NFATC2IP: variants seen among roughly 807,000 people sequenced by gnomAD.
NFATC2IP encodes the protein NFATC2-interacting protein.
NFATC2IP carries 25 observed loss-of-function variants against 40.2 expected under a neutral mutation model. The ratio of observed to expected loss-of-function variants is 0.62; its 90% confidence interval spans 0.45 to 0.87. The LOEUF (loss-of-function observed/expected upper bound fraction) is 0.87. Among genes scored for constraint, NFATC2IP ranks in the 40% least tolerant of loss-of-function variants. NFATC2IP has a pLI of 0.00. For synonymous variants in NFATC2IP, 241 were observed against 236.3 expected, an observed-to-expected ratio of 1.02 and a Z score of -0.18; for missense variants, 553 against 555.6, an observed-to-expected ratio of 1.00 and a Z score of 0.05.
chr16:28,953,065 C>A (rs1475949439), intron 2 of NFATC2IP, among the ~76,000 whole-genome samples: 1 of 151,388 alleles, frequency 6.6e-6, no homozygotes, highest in African/African-American at 2.4e-5. Flanking sequence ...GCTGTGTGAT[C>A]TTAGGCGAGT....
intron 2 of NFATC2IP, chr16:28,952,597 G>T: frequency 4.5e-6 from 1 of 222,666 alleles, no homozygotes; most frequent in Non-Finnish European, 9.0e-6. Flanking sequence ...CTCAAGGGCG[G>T]GGAATAGGAA....
chr16:28,962,057 C>T (rs933374327), intron 7 of NFATC2IP, among the ~76,000 whole-genome samples: 1 of 152,092 alleles, frequency 6.6e-6, no homozygotes, highest in African/African-American at 2.4e-5. Context: ...GTGTGTGCCA[C>T]TACCCTTGGC....
In NFATC2IP at chr16:28,964,593, ATGGCTTTTT is replaced by A. The variant is rs1965123209; in HGVS notation, c.*732_*740del. 1.3e-5 allele frequency: 2 copies of A among 152,398 alleles called. No homozygotes were observed. The highest frequency in any genetic ancestry group is 4.1e-4 in the South Asian group (2 of 4,822). The allele number at this position is 152,398 out of a possible 1,614,324, so 9.4% of individuals were successfully genotyped here. On this transcript the variant is annotated 3_prime_UTR_variant, in exon 8 of 8. Transcript: ENST00000320805. ...TCCCATGCAAAGATTCTCTGGTTTTATGGCTTTTTTCCCTTTCTTTACACCATCCTCTCC... is the reference window on the plus strand; with the variant it reads ...TCCCATGCAAAGATTCTCTGGTTTTATCCCTTTCTTTACACCATCCTCTCC...
At position 28,956,134 on chromosome 16, in the gene NFATC2IP, T is replaced by C; in HGVS notation, c.660-17T>C. 1 of 1,613,780 alleles carries C rather than the reference T, an allele frequency of 6.2e-7. No individual in the cohort carries two copies. The highest frequency in any genetic ancestry group is 8.5e-7 in the Non-Finnish European group (1 of 1,179,874). The stretch of plus-strand genomic sequence containing the variant: ...GTGGCTGACTCCAGTTGACCCAGAG[T>C]CCTGTCTGCACTGCAGTGAGGTGAA... On this transcript the variant is annotated splice_polypyrimidine_tract_variant and intron_variant, in intron 4 of 7. Coordinates refer to ENST00000320805, the MANE Select transcript of NFATC2IP (RefSeq NM_032815.4).
chr16:28,965,425 T>G lies in NFATC2IP; in HGVS notation c.*1562T>G, dbSNP rs968804825. ...GGGCAACATAGCGAGACCTCGTCTCTACAAAAAAAAATTAAAAAGGGGGCT... is the reference window on the plus strand; with the variant it reads ...GGGCAACATAGCGAGACCTCGTCTCGACAAAAAAAAATTAAAAAGGGGGCT... On this transcript the variant is annotated 3_prime_UTR_variant, in exon 8 of 8. Transcript: ENST00000320805. The G allele has an allele frequency of 6.6e-6, 1 of 151,760 alleles. No individual in the cohort carries two copies. Among genetic ancestry groups the G allele is most frequent in the Admixed American group, 6.6e-5 (1 of 15,220 alleles). 9.4% of individuals were successfully genotyped at this position (151,760 alleles called of 1,614,324 possible). A position where few individuals can be genotyped will look rare whatever the true frequency, so the allele number is the denominator to read the frequency against.
In NFATC2IP at chr16:28,963,926, C is replaced by T; in HGVS notation, c.*63C>T. Reference sequence around the variant, plus strand: ...GGGAGAATGACTTTCCCTTTTTTGCCCCATAAGGGCTAGCATAAGCTGAGG... The same window carrying T: ...GGGAGAATGACTTTCCCTTTTTTGCTCCATAAGGGCTAGCATAAGCTGAGG... On this transcript the variant is annotated 3_prime_UTR_variant, in exon 8 of 8. Coordinates refer to ENST00000320805, the MANE Select transcript of NFATC2IP (RefSeq NM_032815.4). The T allele has an allele frequency of 6.7e-7, 1 of 1,498,958 alleles. No homozygotes were observed. Among genetic ancestry groups the T allele is most frequent in the Non-Finnish European group, 9.2e-7 (1 of 1,083,072 alleles). The allele number at this position is 1,498,958 out of a possible 1,614,324, so 92.9% of individuals were successfully genotyped here.
In NFATC2IP at chr16:28,964,526, A is replaced by G; in HGVS notation, c.*663A>G. On this transcript the variant is annotated 3_prime_UTR_variant, in exon 8 of 8. Coordinates refer to ENST00000320805, the MANE Select transcript of NFATC2IP (RefSeq NM_032815.4). ...TCCTGGTGCACACATTTAAGGCATAACAGCACATTCATCCCTTTGGTTTGG... is the reference window on the plus strand; with the variant it reads ...TCCTGGTGCACACATTTAAGGCATAGCAGCACATTCATCCCTTTGGTTTGG... The G allele has an allele frequency of 6.6e-6, 1 of 152,354 alleles. No homozygotes were observed. The allele number at this position is 152,354 out of a possible 1,614,324, so 9.4% of individuals were successfully genotyped here.
chr16:28,951,511 G>A, intron 1 of NFATC2IP, 113 bp downstream of exon 1: 1 of 1,094,266 alleles, frequency 9.1e-7, no homozygotes, highest in Middle Eastern at 3.3e-4. Context: ...TGGCGTTCTG[G>A]GGCTGGTCCT....
intron 6 of NFATC2IP, 52 bp from the exon 7 acceptor site, chr16:28,958,939 C>G: frequency 1.2e-6 from 2 of 1,604,424 alleles, no homozygotes; most frequent in Non-Finnish European, 1.7e-6. Context: ...CAGCACGGGC[C>G]CTGCTTCCAA....
In NFATC2IP at chr16:28,956,143, C is replaced by G; in HGVS notation, c.660-8C>G. 1 of 1,613,982 alleles carries G rather than the reference C, an allele frequency of 6.2e-7. No homozygotes were observed. The highest frequency in any genetic ancestry group is 1.3e-5 in the African/African-American group (1 of 75,020). Reference sequence around the variant, plus strand: ...TCCAGTTGACCCAGAGTCCTGTCTGCACTGCAGTGAGGTGAACAAGCGCCT... The same window carrying G: ...TCCAGTTGACCCAGAGTCCTGTCTGGACTGCAGTGAGGTGAACAAGCGCCT... On this transcript the variant is annotated splice_region_variant and splice_polypyrimidine_tract_variant and intron_variant, in intron 4 of 7. Coordinates refer to ENST00000320805, the MANE Select transcript of NFATC2IP (RefSeq NM_032815.4).
chr16:28,961,869 C>T (rs1965091040), intron 7 of NFATC2IP, among the ~76,000 whole-genome samples: 1 of 141,604 alleles, frequency 7.1e-6, no homozygotes, highest in Admixed American at 7.7e-5. Context: ...CACTGCACTC[C>T]AGCCTGGGCG....
chr16:28,951,194 C>T lies in NFATC2IP; in HGVS notation c.183C>T (p.Val61=), dbSNP rs967302521. ...ACAGCGATGAGGAAATTCTGGAGGT[C>T]GCCACCGCTCGCGGTGCCGCGGACG... ...VTDSDEEILE[V]ATARGAADEV... Residue 61 remains valine, a synonymous_variant, in exon 1 of 8, where the codon GTC becomes GTT. Transcript: ENST00000320805. 6 of 1,537,918 alleles carry T rather than the reference C, an allele frequency of 3.9e-6. No individual in the cohort carries two copies. The highest frequency in any genetic ancestry group is 1.2e-5 in the South Asian group (1 of 82,784).
intron 5 of NFATC2IP, chr16:28,956,717 T>A (rs1353386267): frequency 5.2e-6 from 1 of 190,720 alleles, no homozygotes; most frequent in African/African-American, 2.4e-5. Flanking sequence ...TCCTGTCTTC[T>A]AAGAAGCTTT....
intron 5 of NFATC2IP, chr16:28,956,542 T>C (rs1354437560): frequency 5.3e-6 from 3 of 570,964 alleles, no homozygotes; most frequent in Admixed American, 3.1e-5. Context: ...CCTCTCTTTC[T>C]GGCAAACTTT....
Position 28,963,892 on chromosome 16 carries a change from C to G in NFATC2IP, c.*29C>G. 6.2e-7 allele frequency: 1 copy of G among 1,610,810 alleles called. No individual in the cohort carries two copies. The highest frequency in any genetic ancestry group is 8.5e-7 in the Non-Finnish European group (1 of 1,177,332). ...CCCACTCCCTGTTTGACGGCCCAGCCTGGACTTGGGGAGAATGACTTTCCC... is the reference window on the plus strand; with the variant it reads ...CCCACTCCCTGTTTGACGGCCCAGCGTGGACTTGGGGAGAATGACTTTCCC... On this transcript the variant is annotated 3_prime_UTR_variant, in exon 8 of 8. Coordinates refer to ENST00000320805, the MANE Select transcript of NFATC2IP (RefSeq NM_032815.4).
In NFATC2IP at chr16:28,963,630, A is replaced by G. The variant is rs559798772; in HGVS notation, c.1102-75A>G. 12 of 1,360,550 alleles carry G rather than the reference A, an allele frequency of 8.8e-6. No homozygotes were observed. In the African/African-American group the frequency reaches 1.3e-4, roughly 15 times the overall value. 84.3% of individuals were successfully genotyped at this position (1,360,550 alleles called of 1,614,324 possible). ...CCCTGCCGCCATCCTCCCTGTCCCA[A>G]GTTCCTCGTCTATCCCTACGGGATC... On this transcript the variant is annotated intron_variant, in intron 7 of 7. Transcript: ENST00000320805.
Position 28,951,228 on chromosome 16 carries a change from G to A in NFATC2IP, c.217G>A (p.Val73Met). 1.3e-6 allele frequency: 2 copies of A among 1,524,322 alleles called. No individual in the cohort carries two copies. The highest frequency in any genetic ancestry group is 1.8e-6 in the Non-Finnish European group (2 of 1,131,938). The allele number at this position is 1,524,322 out of a possible 1,614,324, so 94.4% of individuals were successfully genotyped here. The change falls in exon 1 of 8, where the codon GTG becomes ATG. Residue 73 changes from valine (V) to methionine (M), a missense_variant. Physicochemically the swap from Val to Met is conservative, Grantham distance 21 (BLOSUM62 1). Coordinates refer to ENST00000320805, the MANE Select transcript of NFATC2IP (RefSeq NM_032815.4). ...TARGAADEVEVEPPEPPGPVA... is the reference protein window; with the variant it reads ...TARGAADEVEMEPPEPPGPVA... Reference sequence around the variant, plus strand: ...TCGCGGTGCCGCGGACGAGGTTGAGGTGGAGCCCCCGGAGCCCCCGGGGCC... The same window carrying A: ...TCGCGGTGCCGCGGACGAGGTTGAGATGGAGCCCCCGGAGCCCCCGGGGCC...
chr16:28,955,828 A>G, intron 3 of NFATC2IP, 150 bp from the exon 4 acceptor site: 1 of 665,384 alleles, frequency 1.5e-6, no homozygotes, highest in Non-Finnish European at 2.6e-6. Flanking sequence ...GGCTCGAGCG[A>G]TCCTCCTGGC....
At chr16:28,961,197 G>A (rs996201173) in intron 7 of NFATC2IP, among the ~76,000 whole-genome samples, 1 of 151,666 alleles carries the variant, frequency 6.6e-6, no homozygotes, top group African/African-American at 2.4e-5. Context: ...GCATGCTGGC[G>A]CAGGCCTATA....
Sources: gnomAD v4.1 joint callset for allele counts (sites outside exome capture counted in the v4.1 genomes callset) on GRCh38, gnomAD v4.1.1 for gene constraint, MANE v1.5 for transcripts, NCBI Gene and HGNC (gene_info 2026-07-23, HGNC 2026-07-21) for gene names.